The following CDK14 variants were observed in gnomAD, a reference collection of about 807,000 sequenced individuals.
CDK14 encodes the protein cyclin-dependent kinase 14.
A neutral mutation model predicts 60.7 loss-of-function variants in CDK14; 34 were observed. That is an observed-to-expected ratio of 0.56 (90% CI 0.43 to 0.75). CDK14 has a LOEUF of 0.75. Among genes scored for constraint, CDK14 ranks in the 30% least tolerant of loss-of-function variants. The probability of loss-of-function intolerance (pLI) is 0.00; values close to 1 mark genes in which losing one functional copy is unlikely to be tolerated. For missense variants in CDK14, 482 were observed against 564.1 expected, an observed-to-expected ratio of 0.85 and a Z score of 1.47; for synonymous variants, 197 against 203.7, an observed-to-expected ratio of 0.97 and a Z score of 0.28.
chr7:90,948,547 A>G (rs1270673098), intron 8 of CDK14, among the ~76,000 whole-genome samples: 4 of 152,258 alleles, frequency 2.6e-5, no homozygotes, highest in Admixed American at 2.0e-4. Context: ...CCCAGGAGTC[A>G]GCAAACTTTT....
chr7:90,846,204 A>G (rs1285105021), intron 5 of CDK14, among the ~76,000 whole-genome samples: 2 of 152,082 alleles, frequency 1.3e-5, no homozygotes, highest in African/African-American at 4.8e-5. Context: ...TCATTATAAC[A>G]TATCCATAGG....
chr7:91,145,756 G>T (rs1800607592), intron 14 of CDK14, among the ~76,000 whole-genome samples: 1 of 152,210 alleles, frequency 6.6e-6, no homozygotes. Context: ...TTATTAACTT[G>T]TTATGTATCT....
At chr7:90,855,542 A>G (rs1392038256) in intron 5 of CDK14, among the ~76,000 whole-genome samples, 2 of 152,216 alleles carry the variant, frequency 1.3e-5, no homozygotes, top group Non-Finnish European at 2.9e-5. Context: ...ATCTCTTCTC[A>G]GCTATAACTA....
intron 2 of CDK14, among the ~76,000 whole-genome samples, chr7:90,721,697 A>C (rs1474248985): frequency 6.6e-6 from 1 of 152,202 alleles, no homozygotes; most frequent in Non-Finnish European, 1.5e-5. Context: ...AGGGGTGCAC[A>C]TGAAAGTTAG....
At chr7:91,205,492 G>C (rs938805884) in intron 14 of CDK14, among the ~76,000 whole-genome samples, 4 of 152,140 alleles carry the variant, frequency 2.6e-5, no homozygotes, top group Non-Finnish European at 4.4e-5. Flanking sequence ...TAAATCCATA[G>C]AGACAGAAAC....
chr7:90,898,476 T>A (rs1354531231), intron 6 of CDK14, among the ~76,000 whole-genome samples: 1 of 152,132 alleles, frequency 6.6e-6, no homozygotes, highest in East Asian at 1.9e-4. Context: ...GGGGCACAAA[T>A]GCTCATGTTC....
intron 2 of CDK14, among the ~76,000 whole-genome samples, chr7:90,644,981 C>T (rs1165596575): frequency 2.0e-5 from 3 of 152,064 alleles, no homozygotes; most frequent in African/African-American, 2.4e-5. Context: ...GACATCTTAC[C>T]GCTAAGAAAA....
At position 90,810,762 on chromosome 7, in the gene CDK14, G is replaced by A. The variant is rs541549013; in HGVS notation, c.544+20110G>A. ...GTCCTTAAGCTGATAAGCAACTTCA[G>A]CAAAGTCTCAGGATACAAAATCAAT... On this transcript the variant is annotated intron_variant, in intron 5 of 14. Coordinates refer to ENST00000380050, the MANE Select transcript of CDK14 (RefSeq NM_001287135.2). Among the ~76,000 whole-genome samples, 471 of 151,998 alleles carry A rather than the reference G, an allele frequency of 3.1e-3. 2 individuals carry two copies. The highest frequency in any genetic ancestry group is 0.011 in the African/African-American group (449 of 41,436).
At chr7:90,841,878 C>A (rs1260761182) in intron 5 of CDK14, among the ~76,000 whole-genome samples, 1 of 152,054 alleles carries the variant, frequency 6.6e-6, no homozygotes, top group East Asian at 1.9e-4. Context: ...CCTCATGCAG[C>A]CTTTAATACA....
At chr7:91,052,548 T>G (rs1033531450) in intron 11 of CDK14, among the ~76,000 whole-genome samples, 1 of 151,304 alleles carries the variant, frequency 6.6e-6, no homozygotes, top group Non-Finnish European at 1.5e-5. Flanking sequence ...GTAGATTCCA[T>G]GTATGATACT....
In CDK14 at chr7:91,059,848, G is replaced by T. The variant is rs540984521; in HGVS notation, c.1105+13888G>T. ...AAGTATGTGGTCAATTTTGGAATAG[G>T]TGTGGTGTGGTGCTGAAAAGAATGT... On this transcript the variant is annotated intron_variant, in intron 11 of 14. Transcript: ENST00000380050. 3.7e-4 allele frequency among the ~76,000 whole-genome samples: 56 copies of T among 152,320 alleles called. No homozygotes were observed. The East Asian group carries it at 5.6e-3, about 15-fold the overall frequency.
chr7:91,158,170 A>G (rs1801045390), intron 14 of CDK14, among the ~76,000 whole-genome samples: 2 of 148,210 alleles, frequency 1.3e-5, no homozygotes, highest in Non-Finnish European at 3.0e-5. Context: ...AATATATTAT[A>G]CATTAAATAT....
chr7:90,654,313 CAGAG>C (rs760368507), intron 2 of CDK14, among the ~76,000 whole-genome samples: 2 of 152,096 alleles, frequency 1.3e-5, no homozygotes, highest in Non-Finnish European at 2.9e-5. Context: ...AGCAGAGTGA[CAGAG>C]AGAGAATCTA....
intron 10 of CDK14, among the ~76,000 whole-genome samples, chr7:91,002,888 C>G (rs563909625): frequency 6.6e-6 from 1 of 151,994 alleles, no homozygotes; most frequent in Non-Finnish European, 1.5e-5. Flanking sequence ...CTGGCTAACA[C>G]GGTGAAACCC....
At chr7:90,845,116 T>G (rs1237571011) in intron 5 of CDK14, among the ~76,000 whole-genome samples, 2 of 152,136 alleles carry the variant, frequency 1.3e-5, no homozygotes, top group African/African-American at 4.8e-5. Context: ...TTTTACTTAT[T>G]TTTTTTCTTT....
Position 90,604,012 on chromosome 7 carries a change from A to C in CDK14, c.92-206A>C, listed in dbSNP as rs17866085. On this transcript the variant is annotated intron_variant, in intron 1 of 14. Transcript: ENST00000380050. Reference sequence around the variant, plus strand: ...GATAGTTCTATTTGCATATTTATAAAAAATATTTCAAAAGATGCATGCTGT... The same window carrying C: ...GATAGTTCTATTTGCATATTTATAACAAATATTTCAAAAGATGCATGCTGT... 6.9e-3 allele frequency among the ~76,000 whole-genome samples: 1,053 copies of C among 152,366 alleles called. 17 individuals carry two copies. Among genetic ancestry groups the C allele is most frequent in the African/African-American group, 0.024 (1,018 of 41,586 alleles).
chr7:90,930,806 G>A (rs758358096), intron 8 of CDK14, among the ~76,000 whole-genome samples: 4 of 152,200 alleles, frequency 2.6e-5, no homozygotes, highest in Non-Finnish European at 4.4e-5. Flanking sequence ...GTGGAGTAGA[G>A]AGTGCAGGTC....
intron 5 of CDK14, among the ~76,000 whole-genome samples, chr7:90,805,517 T>G (rs1788791038): frequency 6.6e-6 from 1 of 152,046 alleles, no homozygotes. Context: ...CAATACCACT[T>G]ATAATCACTT....
chr7:91,149,283 TAA>T (rs919631151), intron 14 of CDK14, among the ~76,000 whole-genome samples: 3 of 142,986 alleles, frequency 2.1e-5, no homozygotes. Context: ...GGGAGCTTCA[TAA>T]AAAAAAAAAA....
Sources: allele counts gnomAD v4.1 joint callset (sites outside exome capture counted in the v4.1 genomes callset), GRCh38; gene constraint gnomAD v4.1.1; transcripts MANE v1.5; gene names NCBI Gene and HGNC (gene_info 2026-07-23, HGNC 2026-07-21).